APLP2: variants seen among roughly 807,000 people sequenced by gnomAD.
The protein encoded by APLP2 is CDEI box-binding protein.
APLP2 carries 53 observed loss-of-function variants against 89.9 expected under a neutral mutation model. The ratio of observed to expected loss-of-function variants is 0.59; its 90% confidence interval spans 0.47 to 0.74. APLP2 has a LOEUF of 0.74. Ranked by LOEUF, APLP2 falls within the 30% of genes least tolerant of loss-of-function variation. The pLI is 0.00. For missense variants in APLP2, 973 were observed against 975.9 expected, an observed-to-expected ratio of 1.00 and a Z score of 0.04; for synonymous variants, 372 against 348.6, an observed-to-expected ratio of 1.07 and a Z score of -0.75.
intron 1 of APLP2, among the ~76,000 whole-genome samples, chr11:130,086,822 T>A (rs1026115721): frequency 5.3e-5 from 8 of 152,212 alleles, no homozygotes; most frequent in Non-Finnish European, 1.0e-4. Context: ...GAGGATTTAT[T>A]TCTGGGCTCT....
intron 11 of APLP2, 103 bp downstream of exon 11, chr11:130,130,269 T>TAGC: frequency 1.4e-6 from 2 of 1,460,806 alleles, no homozygotes; most frequent in Non-Finnish European, 1.9e-6. Context: ...CATTTGCTAC[T>TAGC]AGTCCTTAGA....
chr11:130,112,397 T>C lies in APLP2; in HGVS notation c.403+1736T>C, dbSNP rs140598522. Among the ~76,000 whole-genome samples, 1,318 of 141,692 alleles carry C rather than the reference T, an allele frequency of 9.3e-3. 20 individuals carry two copies. Among genetic ancestry groups the C allele is most frequent in the African/African-American group, 0.033 (1,275 of 38,570 alleles). 93.0% of individuals were successfully genotyped at this position (141,692 alleles called of 152,430 possible). A position where few individuals can be genotyped will look rare whatever the true frequency, so the allele number is the denominator to read the frequency against. ...GTGATGGTGTTCAGTCTGATTGCAG[T>C]TGGGGGAGATGTGCAGGGCCCACTG... is the stretch of plus-strand genomic sequence containing the variant. On this transcript the variant is annotated intron_variant, in intron 3 of 16. Transcript: ENST00000338167.
intron 1 of APLP2, among the ~76,000 whole-genome samples, chr11:130,099,611 T>G (rs1946644182): frequency 6.6e-6 from 1 of 152,250 alleles, no homozygotes. Flanking sequence ...ATGTATTAAA[T>G]CATTCATCTA....
chr11:130,135,992 T>C (rs555523562), intron 13 of APLP2, among the ~76,000 whole-genome samples: 15 of 152,318 alleles, frequency 9.8e-5, no homozygotes, highest in African/African-American at 3.1e-4. Context: ...GTGCACTTCC[T>C]TACATGGGGG....
chr11:130,140,721 A>G (rs1192421585), intron 14 of APLP2: 4 of 312,088 alleles, frequency 1.3e-5, no homozygotes, highest in Non-Finnish European at 1.8e-5. Flanking sequence ...AGGAAAATAT[A>G]TTTACAACTA....
At position 130,123,614 on chromosome 11, in the gene APLP2, G is replaced by C. The variant is rs1392236859; in HGVS notation, c.925G>C (p.Val309Leu). ...DKEITHDVKAVCSQEAMTGPC... is the reference protein window; with the variant it reads ...DKEITHDVKALCSQEAMTGPC... ...ACACTCTGACCATTTTCACACAGCTGTCTGCTCCCAGGAGGCGATGACGGG... is the reference window on the plus strand; with the variant it reads ...ACACTCTGACCATTTTCACACAGCTCTCTGCTCCCAGGAGGCGATGACGGG... The change falls in exon 7 of 17, where the codon GTC becomes CTC. Residue 309 changes from valine (V) to leucine (L), a missense_variant and splice_region_variant. Val to Leu is a conservative substitution (Grantham distance 32). Transcript: ENST00000338167. This position sits in a 1 kb window ranked among gnomAD's most constrained non-coding sequence, Gnocchi z 4.0. 1.2e-6 allele frequency: 2 copies of C among 1,612,978 alleles called. No homozygotes were observed. The highest frequency in any genetic ancestry group is 2.7e-5 in the African/African-American group (2 of 74,878).
chr11:130,083,854 T>C (rs1229586504), intron 1 of APLP2, among the ~76,000 whole-genome samples: 3 of 152,220 alleles, frequency 2.0e-5, no homozygotes, highest in Non-Finnish European at 2.9e-5. Context: ...AGGTGTGAGA[T>C]TGATAGATCA....
chr11:130,143,263 T>G, intron 16 of APLP2, 84 bp from the exon 17 acceptor site: 1 of 1,266,078 alleles, frequency 7.9e-7, no homozygotes, highest in Non-Finnish European at 1.1e-6. Context: ...CAGGGGATTG[T>G]GCAGCAAATG....
chr11:130,088,627 A>T (rs900673815), intron 1 of APLP2, among the ~76,000 whole-genome samples: 1 of 152,058 alleles, frequency 6.6e-6, no homozygotes, highest in Non-Finnish European at 1.5e-5. Context: ...TCCATGAAGA[A>T]AACACTCCAG....
At chr11:130,082,228 G>C (rs1015673520) in intron 1 of APLP2, among the ~76,000 whole-genome samples, 1 of 151,852 alleles carries the variant, frequency 6.6e-6, no homozygotes, top group Admixed American at 6.6e-5. Context: ...TTGTCGCCCA[G>C]GCTGGAGTAC....
At chr11:130,086,934 T>C (rs867692200) in intron 1 of APLP2, among the ~76,000 whole-genome samples, 1 of 152,292 alleles carries the variant, frequency 6.6e-6, no homozygotes, top group African/African-American at 2.4e-5. Context: ...CGTCTCAAGA[T>C]TGTGTGATTT....
In APLP2 at chr11:130,130,060, T is replaced by TACG. The variant is rs1565596283; in HGVS notation, c.1479_1481dup (p.Arg495dup). The TACG allele has an allele frequency of 6.2e-7, 1 of 1,614,236 alleles. No homozygotes were observed. The highest frequency in any genetic ancestry group is 1.3e-5 in the African/African-American group (1 of 75,072). ...CAGCCTCATCGCATTCTCCAGGCCT[T>TACG]ACGGCGTTATGTCCGTGCTGAGAAC... On this transcript the variant is annotated inframe_insertion, in exon 11 of 17. Coordinates refer to ENST00000338167, the MANE Select transcript of APLP2 (RefSeq NM_001142276.2).
rs1952416595 is a variant in APLP2, at chr11:130,141,701, C to T, written c.1998+129C>T. 8.3e-6 allele frequency: 8 copies of T among 960,042 alleles called. No individual in the cohort carries two copies. Among genetic ancestry groups the T allele is most frequent in the Admixed American group, 2.7e-5 (1 of 37,140 alleles). The allele number at this position is 960,042 out of a possible 1,614,324, so 59.5% of individuals were successfully genotyped here. ...TAAGGGTCCCTCATCCCCAGCTTTC[C>T]GTACTTTTGGATAAGAAAGCTAAAA... On this transcript the variant is annotated intron_variant, in intron 15 of 16. Transcript: ENST00000338167. The surrounding 1 kb of genome is among the most constrained non-coding windows in gnomAD (Gnocchi z 4.2).
intron 1 of APLP2, among the ~76,000 whole-genome samples, chr11:130,088,390 T>C (rs1207077377): frequency 6.6e-6 from 1 of 152,184 alleles, no homozygotes; most frequent in African/African-American, 2.4e-5. Flanking sequence ...AGAGTCTATC[T>C]TTGGGAAAAT....
At chr11:130,074,996 T>G (rs956659519) in intron 1 of APLP2, among the ~76,000 whole-genome samples, 1 of 152,222 alleles carries the variant, frequency 6.6e-6, no homozygotes, top group Non-Finnish European at 1.5e-5. Context: ...TTTAATTAAA[T>G]TTAGTGTATT....
At chr11:130,119,191 C>A (rs1002734379) in intron 3 of APLP2, among the ~76,000 whole-genome samples, 4 of 152,204 alleles carry the variant, frequency 2.6e-5, no homozygotes, top group Non-Finnish European at 4.4e-5. Flanking sequence ...GTTTTCCCCC[C>A]TTAACCTCAG....
chr11:130,080,411 G>T (rs1005591463), intron 1 of APLP2, among the ~76,000 whole-genome samples: 1 of 151,850 alleles, frequency 6.6e-6, no homozygotes, highest in Non-Finnish European at 1.5e-5. Flanking sequence ...CACCATGTTG[G>T]CCAGGCTGGT....
Position 130,133,640 on chromosome 11 carries a change from T to G in APLP2, c.1596T>G (p.His532Gln), listed in dbSNP as rs747811899. The change falls in exon 12 of 17, where the codon CAT (histidine) becomes CAG (glutamine). Residue 532 changes from histidine to glutamine, a missense_variant. Transcript: ENST00000338167. Reference protein sequence around the residue: ...AAQMKSQVMTHLHVIEERRNQ... With the variant: ...AAQMKSQVMTQLHVIEERRNQ... ...AACTCTGCTTCCAGGTGATGACACATCTCCACGTGATTGAAGAAAGGAGGA... is the reference window on the plus strand; with the variant it reads ...AACTCTGCTTCCAGGTGATGACACAGCTCCACGTGATTGAAGAAAGGAGGA... The G allele has an allele frequency of 6.2e-7, 1 of 1,613,942 alleles. No homozygotes were observed. The highest frequency in any genetic ancestry group is 1.1e-5 in the South Asian group (1 of 91,080).
chr11:130,127,868 T>G (rs1306112114), intron 9 of APLP2, 28 bp downstream of exon 9: 1 of 1,598,662 alleles, frequency 6.3e-7, no homozygotes, highest in East Asian at 2.2e-5. Flanking sequence ...GGGACATAGC[T>G]TTCAGCCTGA....
Sources: gnomAD v4.1 joint callset for allele counts (sites outside exome capture counted in the v4.1 genomes callset) on GRCh38, gnomAD v4.1.1 for gene constraint, Gnocchi (gnomAD v3.1) non-coding constraint, MANE v1.5 for transcripts, NCBI Gene and HGNC (gene_info 2026-07-23, HGNC 2026-07-21) for gene names.